The following PLPPR1 variants were observed in gnomAD, a reference collection of about 807,000 sequenced individuals.
PLPPR1 encodes phospholipid phosphatase-related protein type 1.
A neutral mutation model predicts 33.1 loss-of-function variants in PLPPR1; 10 were observed. That is an observed-to-expected ratio of 0.30 (90% CI 0.19 to 0.51). The LOEUF (loss-of-function observed/expected upper bound fraction) is 0.51. Ranked by LOEUF, PLPPR1 falls within the 20% of genes least tolerant of loss-of-function variation. PLPPR1 has a pLI of 0.97. For missense variants in PLPPR1, 304 were observed against 408.1 expected (o/e 0.74, Z 2.20); for synonymous variants, 151 against 151.0 (o/e 1.00, Z 0.00).
intron 3 of PLPPR1, among the ~76,000 whole-genome samples, chr9:101,272,232 G>T (rs1001677174): frequency 1.3e-5 from 2 of 152,068 alleles, no homozygotes; most frequent in African/African-American, 4.8e-5. Context: ...TTTTAAACAT[G>T]CCAAAATATT....
At position 101,284,105 on chromosome 9, in the gene PLPPR1, G is replaced by C. The variant is rs188546644; in HGVS notation, c.253-1999G>C. Among the ~76,000 whole-genome samples, 17 of 152,090 alleles carry C rather than the reference G, an allele frequency of 1.1e-4. No individual in the cohort carries two copies. The East Asian group carries it at 3.3e-3, about 29-fold the overall frequency. On this transcript the variant is annotated intron_variant, in intron 3 of 7. Transcript: ENST00000374874. ...AAAAATTAAAAATAGAATTGCCATT[G>C]ATCTAGTAGCAATCTATATACCACT...
At chr9:101,125,410 CTACT>C (rs1359845937) in intron 1 of PLPPR1, 8 of 202,556 alleles carry the variant, frequency 3.9e-5, no homozygotes, top group Non-Finnish European at 8.1e-5. Flanking sequence ...TTACTTATCT[CTACT>C]TACTTACTTA....
chr9:101,286,310 A>T, intron 4 of PLPPR1, 74 bp downstream of exon 4: 1 of 1,388,528 alleles, frequency 7.2e-7, no homozygotes, highest in East Asian at 2.3e-5. Flanking sequence ...TTGGTAAAAT[A>T]AACTATGGAA....
intron 2 of PLPPR1, among the ~76,000 whole-genome samples, chr9:101,228,191 G>T (rs981255399): frequency 6.6e-6 from 1 of 152,142 alleles, no homozygotes; most frequent in African/African-American, 2.4e-5. Flanking sequence ...ACTCCATCAA[G>T]AAGTTTAGGG....
At chr9:101,088,815 G>A (rs985397054) in intron 1 of PLPPR1, among the ~76,000 whole-genome samples, 11 of 152,132 alleles carry the variant, frequency 7.2e-5, no homozygotes, top group Non-Finnish European at 1.5e-4. Context: ...CTTTTAACCT[G>A]CTTAGCCTTT....
At chr9:101,201,071 G>C (rs141711537) in intron 2 of PLPPR1, among the ~76,000 whole-genome samples, 1 of 152,262 alleles carries the variant, frequency 6.6e-6, no homozygotes, top group East Asian at 1.9e-4. Context: ...GGAATTCCAC[G>C]GTCAAGCTTG....
intron 7 of PLPPR1, among the ~76,000 whole-genome samples, chr9:101,321,354 C>G (rs182268413): frequency 5.9e-5 from 9 of 152,258 alleles, no homozygotes; most frequent in Non-Finnish European, 8.8e-5. Context: ...AACATTACCT[C>G]AAATTTGAAT....
intron 2 of PLPPR1, among the ~76,000 whole-genome samples, chr9:101,205,437 T>G (rs1826570700): frequency 1.3e-5 from 2 of 152,146 alleles, no homozygotes; most frequent in African/African-American, 4.8e-5. Context: ...AATTGGATGT[T>G]TCTAAGAAGA....
chr9:101,088,858 T>C (rs1830710212), intron 1 of PLPPR1, among the ~76,000 whole-genome samples: 1 of 152,154 alleles, frequency 6.6e-6, no homozygotes, highest in African/African-American at 2.4e-5. Flanking sequence ...TCCTTTATAA[T>C]GAAATTACAA....
chr9:101,291,791 A>T (rs1011993022), intron 4 of PLPPR1, among the ~76,000 whole-genome samples: 12 of 152,184 alleles, frequency 7.9e-5, no homozygotes, highest in Non-Finnish European at 1.5e-5. Flanking sequence ...ACCCATCTGT[A>T]CATCACCATC....
In PLPPR1 at chr9:101,208,817, A is replaced by C. The variant is rs544843901; in HGVS notation, c.63+23260A>C. On this transcript the variant is annotated intron_variant, in intron 2 of 7. Transcript: ENST00000374874. ...CCTTTCACATTTACAGAGACAGATCATACTGGCCACTTCCACATCCTTTAG... is the reference window on the plus strand; with the variant it reads ...CCTTTCACATTTACAGAGACAGATCCTACTGGCCACTTCCACATCCTTTAG... Among the ~76,000 whole-genome samples the C allele has an allele frequency of 5.3e-5, 8 of 152,330 alleles. No individual in the cohort carries two copies. The East Asian group carries it at 1.5e-3, about 29-fold the overall frequency.
At chr9:101,087,554 GC>G (rs1490109112) in intron 1 of PLPPR1, among the ~76,000 whole-genome samples, 1 of 152,180 alleles carries the variant, frequency 6.6e-6, no homozygotes, top group Non-Finnish European at 1.5e-5. Context: ...ATTCACTCTA[GC>G]TTTGTTTCTC....
At chr9:101,175,091 C>G (rs1825998766) in intron 1 of PLPPR1, among the ~76,000 whole-genome samples, 1 of 152,110 alleles carries the variant, frequency 6.6e-6, no homozygotes, top group South Asian at 2.1e-4. Flanking sequence ...TAGGCTGATT[C>G]TTATCTTTGG....
At chr9:101,150,949 A>T (rs987429214) in intron 1 of PLPPR1, among the ~76,000 whole-genome samples, 1 of 151,960 alleles carries the variant, frequency 6.6e-6, no homozygotes, top group African/African-American at 2.4e-5. Context: ...GTTCACTCTT[A>T]CATATACACA....
At chr9:101,131,453 T>G (rs550798050) in intron 1 of PLPPR1, 1 of 152,300 alleles carries the variant, frequency 6.6e-6, no homozygotes, top group East Asian at 1.9e-4. Context: ...GTTGTTGAGC[T>G]CATCAGGTTT....
Position 101,270,029 on chromosome 9 carries a change from G to T in PLPPR1, c.213G>T (p.Leu71=). 6.2e-7 allele frequency: 1 copy of T among 1,614,204 alleles called. No individual in the cohort carries two copies. The highest frequency in any genetic ancestry group is 8.5e-7 in the Non-Finnish European group (1 of 1,180,034). The change falls in exon 3 of 8, where the codon CTG becomes CTT. Residue 71 remains leucine, a synonymous_variant. Coordinates refer to ENST00000374874, the MANE Select transcript of PLPPR1 (RefSeq NM_207299.2). The part of the protein sequence containing the change: ...GTEEESFITP[L]VLYCVLAATP... ...AGGAAGAAAGCTTCATCACCCCTCT[G>T]GTGCTCTATTGTGTGCTGGCTGCCA...
chr9:101,200,916 T>C (rs1170070857), intron 2 of PLPPR1, among the ~76,000 whole-genome samples: 2 of 152,226 alleles, frequency 1.3e-5, no homozygotes, highest in Non-Finnish European at 2.9e-5. Flanking sequence ...TTAGACCCAA[T>C]TTCCCAATCT....
chr9:101,257,040 G>T (rs1357031779), intron 2 of PLPPR1, among the ~76,000 whole-genome samples: 1 of 152,010 alleles, frequency 6.6e-6, no homozygotes, highest in African/African-American at 2.4e-5. Flanking sequence ...GTGCGCCATG[G>T]GTAGAAAGTG....
At chr9:101,065,628 A>T (rs1367380830) in intron 1 of PLPPR1, among the ~76,000 whole-genome samples, 1 of 152,072 alleles carries the variant, frequency 6.6e-6, no homozygotes, top group African/African-American at 2.4e-5. Flanking sequence ...TTCTCATGAG[A>T]TGGTTTAAAA....
Sources: allele counts gnomAD v4.1 joint callset (sites outside exome capture counted in the v4.1 genomes callset), GRCh38; gene constraint gnomAD v4.1.1; transcripts MANE v1.5; gene names NCBI Gene and HGNC (gene_info 2026-07-23, HGNC 2026-07-21).